Variants in KIF16B observed in about 807,000 individuals in gnomAD.
KIF16B encodes kinesin-like protein KIF16B.
A neutral mutation model predicts 156.3 loss-of-function variants in KIF16B; 98 were observed. The ratio of observed to expected loss-of-function variants is 0.63; its 90% confidence interval spans 0.53 to 0.74. The LOEUF (loss-of-function observed/expected upper bound fraction) is 0.74. KIF16B is among the 30% of genes least tolerant of loss of function. The probability of loss-of-function intolerance (pLI) is 0.00; values close to 1 mark genes in which losing one functional copy is unlikely to be tolerated. For synonymous variants in KIF16B, 564 were observed against 583.7 expected, an observed-to-expected ratio of 0.97 and a Z score of 0.49; for missense variants, 1,421 against 1,606.5, an observed-to-expected ratio of 0.88 and a Z score of 1.97.
chr20:16,556,984 AC>A (rs907884614), intron 1 of KIF16B, among the ~76,000 whole-genome samples: 4 of 152,034 alleles, frequency 2.6e-5, no homozygotes, highest in African/African-American at 9.7e-5. Context: ...GCTACTGAAC[AC>A]CTGATATGTG....
At chr20:16,405,762 C>T (rs954100874) in intron 16 of KIF16B, among the ~76,000 whole-genome samples, 5 of 152,168 alleles carry the variant, frequency 3.3e-5, no homozygotes, top group Admixed American at 3.3e-4. Flanking sequence ...ACAAGTTTAG[C>T]ACCATTCCTG....
intron 25 of KIF16B, among the ~76,000 whole-genome samples, chr20:16,292,695 A>G (rs1428176029): frequency 6.6e-6 from 1 of 152,156 alleles, no homozygotes; most frequent in Admixed American, 6.5e-5. Context: ...TGGGCATGAG[A>G]CAGACAGTGG....
chr20:16,448,172 T>A (rs772803078), intron 12 of KIF16B, among the ~76,000 whole-genome samples: 25 of 152,000 alleles, frequency 1.6e-4, no homozygotes, highest in Non-Finnish European at 3.1e-4. Flanking sequence ...ATCACAGCCA[T>A]CTCCACAGGG....
intron 24 of KIF16B, among the ~76,000 whole-genome samples, chr20:16,323,877 A>C (rs1274206251): frequency 6.6e-6 from 1 of 151,760 alleles, no homozygotes; most frequent in Non-Finnish European, 1.5e-5. Flanking sequence ...TCAAATTTGG[A>C]AACATAGTTA....
chr20:16,449,617 C>A (rs1181629589), intron 12 of KIF16B, among the ~76,000 whole-genome samples: 1 of 152,112 alleles, frequency 6.6e-6, no homozygotes, highest in Non-Finnish European at 1.5e-5. Context: ...TGGAAGCAAG[C>A]ATTAAAACCA....
At chr20:16,355,902 GATATTCC>G (rs1426282543) in intron 23 of KIF16B, among the ~76,000 whole-genome samples, 3 of 152,216 alleles carry the variant, frequency 2.0e-5, no homozygotes, top group Non-Finnish European at 4.4e-5. Flanking sequence ...TATACGCACT[GATATTCC>G]TGTGACATAA....
rs145250063 is a variant in KIF16B, at chr20:16,500,678, T to C, written c.1177-3000A>G. Among the ~76,000 whole-genome samples the C allele has an allele frequency of 1.4e-3, 217 of 152,314 alleles. 5 individuals carry two copies. In the East Asian group the frequency reaches 0.029, roughly 20 times the overall value. Reference sequence around the variant, plus strand: ...CTCTTTTTTAAAGCTCACACAATGCTGTTTCTGCACCGCTTTCTTTCCTCT... The same window carrying C: ...CTCTTTTTTAAAGCTCACACAATGCCGTTTCTGCACCGCTTTCTTTCCTCT... On this transcript the variant is annotated intron_variant, in intron 10 of 25. Coordinates refer to ENST00000354981, the MANE Select transcript of KIF16B (RefSeq NM_024704.5).
intron 9 of KIF16B, 143 bp downstream of exon 9, chr20:16,505,579 G>A (rs989226604): frequency 3.2e-5 from 22 of 689,784 alleles, no homozygotes; most frequent in Non-Finnish European, 4.5e-5. Flanking sequence ...ATCATAGGAG[G>A]TGATTTTCCT....
intron 15 of KIF16B, among the ~76,000 whole-genome samples, chr20:16,420,706 G>A (rs1291815775): frequency 1.3e-5 from 2 of 152,006 alleles, no homozygotes; most frequent in Admixed American, 6.6e-5. Flanking sequence ...AGGTTTGTTT[G>A]TTTGTTTGTT....
At chr20:16,392,944 GA>G (rs1053189387) in intron 17 of KIF16B, among the ~76,000 whole-genome samples, 24 of 151,468 alleles carry the variant, frequency 1.6e-4, no homozygotes, top group African/African-American at 3.6e-4. Context: ...AATTTACATG[GA>G]AAAAAAAGGA....
chr20:16,345,714 C>T (rs567169682), intron 23 of KIF16B, among the ~76,000 whole-genome samples: 31 of 152,290 alleles, frequency 2.0e-4, no homozygotes, highest in African/African-American at 6.5e-4. Flanking sequence ...GTCCTGTTAA[C>T]CTACACAGTT....
chr20:16,356,093 G>T (rs1391462564), intron 23 of KIF16B, among the ~76,000 whole-genome samples: 1 of 152,180 alleles, frequency 6.6e-6, no homozygotes, highest in Non-Finnish European at 1.5e-5. Flanking sequence ...TACCCGTAGG[G>T]TGTGGGTGAT....
chr20:16,292,178 G>A (rs1334167421), intron 25 of KIF16B, among the ~76,000 whole-genome samples: 2 of 152,130 alleles, frequency 1.3e-5, no homozygotes, highest in Non-Finnish European at 2.9e-5. Flanking sequence ...GGAATGAAAA[G>A]TATATATGTA....
intron 25 of KIF16B, among the ~76,000 whole-genome samples, chr20:16,275,693 G>A (rs1188643571): frequency 3.9e-5 from 6 of 152,168 alleles, no homozygotes; most frequent in Admixed American, 3.9e-4. Flanking sequence ...TTGAAATTAG[G>A]TATTGGTAAG....
chr20:16,322,319 A>G (rs2063783875), intron 24 of KIF16B, among the ~76,000 whole-genome samples: 1 of 151,980 alleles, frequency 6.6e-6, no homozygotes, highest in Admixed American at 6.6e-5. Flanking sequence ...CCAAGTAATT[A>G]GCTTTATTTT....
chr20:16,561,672 C>T (rs2071069138), intron 1 of KIF16B, among the ~76,000 whole-genome samples: 1 of 152,078 alleles, frequency 6.6e-6, no homozygotes, highest in Non-Finnish European at 1.5e-5. Context: ...ACCACGTAAT[C>T]AAGGTCAACA....
chr20:16,370,383 C>A (rs141123043), intron 22 of KIF16B, among the ~76,000 whole-genome samples: 1 of 152,126 alleles, frequency 6.6e-6, no homozygotes, highest in East Asian at 1.9e-4. Context: ...CAGCTACATG[C>A]CATTCAAATA....
intron 15 of KIF16B, among the ~76,000 whole-genome samples, chr20:16,426,126 C>G (rs994443137): frequency 1.1e-4 from 16 of 152,166 alleles, no homozygotes; most frequent in African/African-American, 3.6e-4. Flanking sequence ...TTGGGAATTA[C>G]AATTCAACAT....
At chr20:16,504,963 G>T (rs1360006664) in intron 9 of KIF16B, among the ~76,000 whole-genome samples, 3 of 152,136 alleles carry the variant, frequency 2.0e-5, no homozygotes, top group East Asian at 1.9e-4. Flanking sequence ...TTTGAAAAGG[G>T]TCACAAATCT....
Sources: gnomAD v4.1 joint callset for allele counts (sites outside exome capture counted in the v4.1 genomes callset) on GRCh38, gnomAD v4.1.1 for gene constraint, MANE v1.5 for transcripts, NCBI Gene and HGNC (gene_info 2026-07-23, HGNC 2026-07-21) for gene names.